The following CSMD1 variants were observed in gnomAD, a reference collection of about 807,000 sequenced individuals.
The protein encoded by CSMD1 is CUB and Sushi multiple domains 1.
Under a neutral mutation model 417.5 loss-of-function variants are expected in CSMD1, and 213 were observed. The ratio of observed to expected loss-of-function variants is 0.51; its 90% CI spans 0.46 to 0.57. The LOEUF is 0.57. Among genes scored for constraint, CSMD1 ranks in the 20% least tolerant of loss-of-function variants. The pLI, the probability that CSMD1 is intolerant of heterozygous loss-of-function variation, is 0.00. For synonymous variants in CSMD1, 2,862 were observed against 1,736.8 expected, an observed-to-expected ratio of 1.65 and a Z score of -16.11; for missense variants, 6,923 against 4,529.7, an observed-to-expected ratio of 1.53 and a Z score of -15.17.
chr8:3,763,077 C>T (rs990582357), intron 5 of CSMD1, among the ~76,000 whole-genome samples: 9 of 152,264 alleles, frequency 5.9e-5, no homozygotes, highest in South Asian at 4.1e-4. Context: ...CCTATTCTCA[C>T]GGTCTCTCTG....
At chr8:4,723,665 G>A (rs1360883687) in intron 1 of CSMD1, among the ~76,000 whole-genome samples, 3 of 151,682 alleles carry the variant, frequency 2.0e-5, no homozygotes, top group African/African-American at 7.3e-5. Flanking sequence ...ATCTTTCTCA[G>A]TTTTTACCAC....
chr8:3,122,551 G>A (rs1019884162), intron 41 of CSMD1, among the ~76,000 whole-genome samples: 3 of 152,192 alleles, frequency 2.0e-5, no homozygotes, highest in African/African-American at 7.2e-5. Context: ...ATTCCCAAAT[G>A]TTGTGAATGT....
intron 10 of CSMD1, among the ~76,000 whole-genome samples, chr8:3,571,625 G>A (rs1799946162): frequency 6.6e-6 from 1 of 152,054 alleles, no homozygotes. Context: ...CTGCAGGGGT[G>A]TGAGGTCCAA....
intron 1 of CSMD1, among the ~76,000 whole-genome samples, chr8:4,868,095 G>C (rs1468424876): frequency 6.6e-6 from 1 of 151,972 alleles, no homozygotes; most frequent in Non-Finnish European, 1.5e-5. Context: ...AATTTAAAAC[G>C]ACCTCTCACC....
At chr8:4,031,339 GAAGGC>G (rs1194194310) in intron 4 of CSMD1, among the ~76,000 whole-genome samples, 2 of 152,230 alleles carry the variant, frequency 1.3e-5, no homozygotes, top group African/African-American at 4.8e-5. Context: ...AATCATAGCA[GAAGGC>G]AAGGAGGAGC....
At chr8:3,772,578 C>T (rs201238022) in intron 5 of CSMD1, among the ~76,000 whole-genome samples, 1 of 126,164 alleles carries the variant, frequency 7.9e-6, no homozygotes, top group Non-Finnish European at 1.6e-5. Flanking sequence ...TACATATATA[C>T]ACATATATTT....
intron 3 of CSMD1, among the ~76,000 whole-genome samples, chr8:4,070,756 C>T (rs557305066): frequency 4.5e-4 from 68 of 152,282 alleles, no homozygotes; most frequent in African/African-American, 1.4e-3. Flanking sequence ...TCCTCCACCA[C>T]GAGCCTGTCA....
At chr8:4,690,376 T>G (rs774528168) in intron 1 of CSMD1, among the ~76,000 whole-genome samples, 2 of 152,108 alleles carry the variant, frequency 1.3e-5, no homozygotes, top group Non-Finnish European at 2.9e-5. Flanking sequence ...AATGAGTAAA[T>G]GGGGGAATGT....
At chr8:4,757,380 T>A (rs968649578) in intron 1 of CSMD1, among the ~76,000 whole-genome samples, 5 of 152,308 alleles carry the variant, frequency 3.3e-5, no homozygotes, top group South Asian at 2.1e-4. Context: ...GATGATTCAA[T>A]ATACACAAAA....
At chr8:3,845,055 A>G (rs1050104298) in intron 5 of CSMD1, among the ~76,000 whole-genome samples, 1 of 152,228 alleles carries the variant, frequency 6.6e-6, no homozygotes, top group African/African-American at 2.4e-5. Context: ...GTCTCCTGTG[A>G]TTAGACTTTC....
At chr8:3,831,908 G>C (rs990705975) in intron 5 of CSMD1, among the ~76,000 whole-genome samples, 1 of 152,056 alleles carries the variant, frequency 6.6e-6, no homozygotes, top group Non-Finnish European at 1.5e-5. Flanking sequence ...GAAATATCAA[G>C]ACTTTTAAAA....
chr8:4,411,496 C>A (rs1796647770), intron 3 of CSMD1, among the ~76,000 whole-genome samples: 1 of 152,170 alleles, frequency 6.6e-6, no homozygotes, highest in Non-Finnish European at 1.5e-5. Flanking sequence ...ATCCACTTAA[C>A]AATATTCATT....
chr8:4,473,700 T>C (rs1012435445), intron 2 of CSMD1, among the ~76,000 whole-genome samples: 1 of 152,160 alleles, frequency 6.6e-6, no homozygotes, highest in Non-Finnish European at 1.5e-5. Flanking sequence ...TTAAATGATG[T>C]AAGGTATGCA....
At chr8:4,296,248 G>A (rs1195652439) in intron 3 of CSMD1, among the ~76,000 whole-genome samples, 2 of 152,064 alleles carry the variant, frequency 1.3e-5, no homozygotes. Flanking sequence ...ATTAGAGCTG[G>A]AGGAGTTTAT....
At chr8:4,272,616 T>C (rs1014250515) in intron 3 of CSMD1, among the ~76,000 whole-genome samples, 3 of 152,218 alleles carry the variant, frequency 2.0e-5, no homozygotes, top group African/African-American at 7.2e-5. Flanking sequence ...GTGCCTGTTT[T>C]TGTTGAATTA....
intron 51 of CSMD1, among the ~76,000 whole-genome samples, chr8:3,022,511 A>G (rs990659804): frequency 6.6e-6 from 1 of 152,224 alleles, no homozygotes; most frequent in Non-Finnish European, 1.5e-5. Context: ...CTTCAATTCT[A>G]TGATTATATT....
At chr8:4,705,653 C>T (rs147503969) in intron 1 of CSMD1, among the ~76,000 whole-genome samples, 17 of 152,260 alleles carry the variant, frequency 1.1e-4, no homozygotes, top group African/African-American at 3.1e-4. Context: ...CTCTTCTTTC[C>T]GGCCCTTGTA....
chr8:4,162,857 C>A (rs1272341129), intron 3 of CSMD1, among the ~76,000 whole-genome samples: 1 of 152,152 alleles, frequency 6.6e-6, no homozygotes, highest in Non-Finnish European at 1.5e-5. Flanking sequence ...CAGTATCACA[C>A]TGAGTAGTTT....
chr8:4,377,367 G>T (rs943394094), intron 3 of CSMD1, among the ~76,000 whole-genome samples: 4 of 152,130 alleles, frequency 2.6e-5, no homozygotes, highest in African/African-American at 9.7e-5. Context: ...TTAATGGTTT[G>T]CTTCCTTTTC....
Sources: gnomAD v4.1 joint callset for allele counts (sites outside exome capture counted in the v4.1 genomes callset) on GRCh38, gnomAD v4.1.1 for gene constraint, MANE v1.5 for transcripts, NCBI Gene and HGNC (gene_info 2026-07-23, HGNC 2026-07-21) for gene names.